Variants in EYA1 observed in about 807,000 individuals in gnomAD.
The protein encoded by EYA1 is EYA transcriptional coactivator and phosphatase 1, also known as protein phosphatase EYA1.
Under a neutral mutation model 82.0 loss-of-function variants are expected in EYA1, and 16 were observed. The ratio of observed to expected loss-of-function variants is 0.20; its 90% CI spans 0.13 to 0.30. The LOEUF (loss-of-function observed/expected upper bound fraction) is 0.30. Ranked by LOEUF, EYA1 falls within the 10% of genes least tolerant of loss-of-function variation. EYA1 has a pLI of 1.00. For missense variants in EYA1, 633 were observed against 730.7 expected, an observed-to-expected ratio of 0.87 and a Z score of 1.54; for synonymous variants, 261 against 264.4, an observed-to-expected ratio of 0.99 and a Z score of 0.12.
rs766164199 is a variant in EYA1 at position 71,216,849 on chromosome 8, T to C, written c.1203A>G (p.Thr401=). ...GAAAGCCATCTGTTCCAAAGTTATA[T>C]GTGCTATTTATATGCAAGAAAAGCC... ...SSDDNGQDLS[T]YNFGTDGFPA... is the part of the protein sequence containing the mutation. The change falls in exon 14 of 18, where the codon ACA becomes ACG. Residue 401 remains threonine, a synonymous_variant. Transcript: ENST00000340726. 5.0e-6 allele frequency: 8 copies of C among 1,614,046 alleles called. No homozygotes were observed. The highest frequency in any genetic ancestry group is 2.7e-5 in the African/African-American group (2 of 74,936).
intron 1 of EYA1, among the ~76,000 whole-genome samples, chr8:71,360,257 T>C (rs1342776036): frequency 6.6e-6 from 1 of 152,202 alleles, no homozygotes; most frequent in Non-Finnish European, 1.5e-5. Context: ...ATGCTACCAA[T>C]AGCTTTAAAG....
At chr8:71,440,559 CA>C (rs1448709116) in intron 2 of EYA1, among the ~76,000 whole-genome samples, 1 of 152,036 alleles carries the variant, frequency 6.6e-6, no homozygotes, top group Admixed American at 6.6e-5. Context: ...TGGGGAAGAC[CA>C]AACATGCAAA....
intron 12 of EYA1, among the ~76,000 whole-genome samples, chr8:71,235,856 A>G (rs537193988): frequency 3.3e-5 from 5 of 152,340 alleles, no homozygotes; most frequent in Admixed American, 1.3e-4. Flanking sequence ...ACACCCAGAA[A>G]TAACCACTGG....
At chr8:71,471,183 C>A (rs79547944) in intron 2 of EYA1, among the ~76,000 whole-genome samples, 2 of 151,840 alleles carry the variant, frequency 1.3e-5, no homozygotes, top group African/African-American at 4.8e-5. Flanking sequence ...TCTGAATTGC[C>A]TCTTACTCTG....
intron 2 of EYA1, among the ~76,000 whole-genome samples, chr8:71,390,035 G>A (rs1039626604): frequency 6.6e-6 from 1 of 152,042 alleles, no homozygotes; most frequent in Non-Finnish European, 1.5e-5. Flanking sequence ...AGTAATACAT[G>A]TATTTTTTCT....
chr8:71,398,614 A>G (rs1487041954), intron 2 of EYA1, among the ~76,000 whole-genome samples: 3 of 152,206 alleles, frequency 2.0e-5, no homozygotes, highest in African/African-American at 7.2e-5. Context: ...AACAGCAAAT[A>G]TTGCAGAACA....
At chr8:71,339,700 G>T (rs369449231) in intron 3 of EYA1, among the ~76,000 whole-genome samples, 18 of 152,112 alleles carry the variant, frequency 1.2e-4, no homozygotes, top group African/African-American at 4.1e-4. Flanking sequence ...CTTGAGCAGG[G>T]TTTAACCTAT....
At chr8:71,455,143 A>G (rs908444693) in intron 2 of EYA1, among the ~76,000 whole-genome samples, 2 of 152,214 alleles carry the variant, frequency 1.3e-5, no homozygotes. Flanking sequence ...ACACAAATAA[A>G]CTAGAAAATC....
chr8:71,221,276 C>T (rs1249123964), intron 12 of EYA1, among the ~76,000 whole-genome samples: 1 of 151,878 alleles, frequency 6.6e-6, no homozygotes, highest in Admixed American at 6.6e-5. Context: ...CCCAGACTAT[C>T]CATGCTGGAC....
intron 9 of EYA1, among the ~76,000 whole-genome samples, chr8:71,295,907 T>C (rs893369670): frequency 2.0e-5 from 3 of 151,972 alleles, no homozygotes; most frequent in Non-Finnish European, 4.4e-5. Flanking sequence ...ACATGGCTAG[T>C]TGAAAAGTAG....
At chr8:71,308,783 TA>T (rs1009699411) in intron 7 of EYA1, among the ~76,000 whole-genome samples, 1 of 151,540 alleles carries the variant, frequency 6.6e-6, no homozygotes, top group African/African-American at 2.4e-5. Context: ...GGACTCACAT[TA>T]AAAACCAGAA....
chr8:71,221,770 CTG>C (rs1409567567), intron 12 of EYA1, among the ~76,000 whole-genome samples: 1 of 152,154 alleles, frequency 6.6e-6, no homozygotes, highest in Non-Finnish European at 1.5e-5. Context: ...TAAATGTTAA[CTG>C]AATGCAGGCA....
chr8:71,243,167 TA>T (rs747825602), intron 12 of EYA1, among the ~76,000 whole-genome samples: 4 of 152,180 alleles, frequency 2.6e-5, no homozygotes, highest in Admixed American at 6.5e-5. Flanking sequence ...TAACACCTAT[TA>T]ACATCAATAA....
intron 12 of EYA1, among the ~76,000 whole-genome samples, chr8:71,238,299 A>C (rs1214950073): frequency 1.3e-5 from 2 of 152,174 alleles, no homozygotes; most frequent in Non-Finnish European, 2.9e-5. Context: ...ATTAGGCCGC[A>C]TAATTCTTCA....
At chr8:71,210,268 A>AAGGT (rs1432075008) in intron 17 of EYA1, among the ~76,000 whole-genome samples, 5 of 152,230 alleles carry the variant, frequency 3.3e-5, no homozygotes, top group African/African-American at 1.2e-4. Context: ...CATAACAGAA[A>AAGGT]AGGTAGTACA....
upstream of EYA1, among the ~76,000 whole-genome samples, chr8:71,363,773 T>G (rs1454631743): frequency 6.6e-6 from 1 of 152,184 alleles, no homozygotes; most frequent in Non-Finnish European, 1.5e-5. Flanking sequence ...ATTTCTAAGC[T>G]CTATAAAATC....
At chr8:71,408,034 C>A (rs1054276250) in intron 2 of EYA1, among the ~76,000 whole-genome samples, 3 of 151,702 alleles carry the variant, frequency 2.0e-5, no homozygotes, top group Non-Finnish European at 4.4e-5. Flanking sequence ...TCGGCAGAAA[C>A]CCTACAAGCC....
intron 2 of EYA1, among the ~76,000 whole-genome samples, chr8:71,460,734 T>G (rs1808301323): frequency 1.3e-5 from 2 of 152,262 alleles, no homozygotes; most frequent in African/African-American, 4.8e-5. Flanking sequence ...AACGAAAAGT[T>G]TCCCAAACAC....
chr8:71,399,926 G>A (rs1469032024), intron 2 of EYA1, among the ~76,000 whole-genome samples: 1 of 152,150 alleles, frequency 6.6e-6, no homozygotes, highest in Non-Finnish European at 1.5e-5. Flanking sequence ...AACCAAAACA[G>A]AATGGCTCTG....
Sources: gnomAD v4.1 joint callset for allele counts (sites outside exome capture counted in the v4.1 genomes callset) on GRCh38, gnomAD v4.1.1 for gene constraint, MANE v1.5 for transcripts, NCBI Gene and HGNC (gene_info 2026-07-23, HGNC 2026-07-21) for gene names.